Variants in RUNX3 observed in about 807,000 individuals in gnomAD.
The protein encoded by RUNX3 is RUNX family transcription factor 3, also known as runt-related transcription factor 3.
RUNX3 carries 10 observed loss-of-function variants against 27.7 expected under a neutral mutation model. That is an observed-to-expected ratio of 0.36 (90% CI 0.22 to 0.61). The LOEUF (loss-of-function observed/expected upper bound fraction) is 0.61. Ranked by LOEUF, RUNX3 falls within the 20% of genes least tolerant of loss-of-function variation. The pLI, the probability that RUNX3 is intolerant of heterozygous loss-of-function variation, is 0.72. For missense variants in RUNX3, 469 were observed against 629.5 expected (o/e 0.75, Z 2.73); for synonymous variants, 270 against 269.2 (o/e 1.00, Z -0.03).
intron 3 of RUNX3, among the ~76,000 whole-genome samples, chr1:24,912,883 G>A: frequency 6.6e-6 from 1 of 151,962 alleles, no homozygotes; most frequent in Non-Finnish European, 1.5e-5. Context: ...TAGATGTTAG[G>A]GCCCCGTCCA....
At chr1:24,917,302 A>G (rs1167389950) in intron 3 of RUNX3, among the ~76,000 whole-genome samples, 1 of 152,056 alleles carries the variant, frequency 6.6e-6, no homozygotes, top group East Asian at 1.9e-4. Flanking sequence ...ACCTCCTTCA[A>G]TGGAGACTTG....
At position 24,962,995 on chromosome 1, in the gene RUNX3, G is replaced by A. The variant is rs1175148991; in HGVS notation, c.58+1519C>T. ...CACAGAACTGCCTTTAATTAGCTCCGAGGACTACAAAGGGAACAACGTTAT... is the reference window on the plus strand; with the variant it reads ...CACAGAACTGCCTTTAATTAGCTCCAAGGACTACAAAGGGAACAACGTTAT... On this transcript the variant is annotated intron_variant, in intron 2 of 6. Coordinates refer to the RUNX3 transcript ENST00000338888. The surrounding 1 kb of genome is among the most constrained non-coding windows in gnomAD (Gnocchi z 4.5). The A allele has an allele frequency of 1.3e-5, 2 of 152,158 alleles. No homozygotes were observed. The highest frequency in any genetic ancestry group is 2.9e-5 in the Non-Finnish European group (2 of 68,020). The allele number at this position is 152,158 out of a possible 1,614,324, so 9.4% of individuals were successfully genotyped here. A position where few individuals can be genotyped will look rare whatever the true frequency, so the allele number is the denominator to read the frequency against.
At chr1:24,945,720 C>A (rs1641589429) in intron 2 of RUNX3, among the ~76,000 whole-genome samples, 1 of 152,136 alleles carries the variant, frequency 6.6e-6, no homozygotes, top group African/African-American at 2.4e-5. Flanking sequence ...CACTGTGGAT[C>A]CTCTCTCTCT....
upstream of RUNX3, among the ~76,000 whole-genome samples, chr1:24,931,694 C>G (rs780807863): frequency 2.6e-5 from 4 of 152,202 alleles, no homozygotes; most frequent in Non-Finnish European, 5.9e-5. Context: ...GCTCAGCGCG[C>G]GCCATTTCGT....
chr1:24,927,231 C>G lies in RUNX3; in HGVS notation c.439+343G>C, dbSNP rs1218973791. Among the ~76,000 whole-genome samples, 1 of 152,142 alleles carries G rather than the reference C, an allele frequency of 6.6e-6. No homozygotes were observed. The highest frequency in any genetic ancestry group is 1.5e-5 in the Non-Finnish European group (1 of 68,032). ...TCCTGCAACCGCCTTGCTGAAAGAC[C>G]TATAAGCTCCCTTTTTGAGCTTGTT... On this transcript the variant is annotated intron_variant, in intron 2 of 4. Coordinates refer to ENST00000308873, the MANE Select transcript of RUNX3 (RefSeq NM_004350.3). This position sits in a 1 kb window ranked among gnomAD's most constrained non-coding sequence, Gnocchi z 5.0.
At chr1:24,942,324 A>G (rs931306219) in intron 2 of RUNX3, among the ~76,000 whole-genome samples, 3 of 152,218 alleles carry the variant, frequency 2.0e-5, no homozygotes, top group Admixed American at 6.5e-5. Flanking sequence ...CCAGAAAGCC[A>G]TGGAGCTCCT....
intron 3 of RUNX3, among the ~76,000 whole-genome samples, chr1:24,917,012 G>A (rs1640902713): frequency 1.3e-5 from 2 of 152,206 alleles, no homozygotes; most frequent in South Asian, 4.1e-4. Flanking sequence ...TCTCCCACAG[G>A]CAGGGCTGAG....
upstream of RUNX3, among the ~76,000 whole-genome samples, chr1:24,931,400 C>T (rs1641224955): frequency 6.6e-6 from 1 of 152,214 alleles, no homozygotes; most frequent in Admixed American, 6.5e-5. Flanking sequence ...ATCACCCCTT[C>T]CTCTCCCGCC....
At chr1:24,946,580 CT>C (rs1641614107) in intron 2 of RUNX3, among the ~76,000 whole-genome samples, 1 of 152,162 alleles carries the variant, frequency 6.6e-6, no homozygotes, top group African/African-American at 2.4e-5. Context: ...CATTCCCCCC[CT>C]ACTCATGGAC....
upstream of RUNX3, among the ~76,000 whole-genome samples, chr1:24,933,832 C>T (rs181429674): frequency 1.9e-3 from 285 of 152,294 alleles, no homozygotes; most frequent in Middle Eastern, 6.8e-3. Flanking sequence ...CCCCATATCC[C>T]GAATCACACA....
At chr1:24,908,504 A>G (rs1236676652) in intron 3 of RUNX3, among the ~76,000 whole-genome samples, 1 of 151,988 alleles carries the variant, frequency 6.6e-6, no homozygotes, top group Non-Finnish European at 1.5e-5. Context: ...AAAAAAAAAG[A>G]AAAAAGAAAA....
intron 1 of RUNX3, among the ~76,000 whole-genome samples, chr1:24,928,111 G>A (rs1282482483): frequency 6.6e-6 from 1 of 152,224 alleles, no homozygotes; most frequent in East Asian, 1.9e-4. Flanking sequence ...TAGCAACGAA[G>A]TCTCCAAATG....
At chr1:24,917,052 G>T (rs1269030724) in intron 3 of RUNX3, among the ~76,000 whole-genome samples, 1 of 152,208 alleles carries the variant, frequency 6.6e-6, no homozygotes, top group Non-Finnish European at 1.5e-5. Flanking sequence ...GTCCCAGCAG[G>T]GCAGAGTGGG....
chr1:24,933,883 G>A (rs1051792624), upstream of RUNX3, among the ~76,000 whole-genome samples: 2 of 152,170 alleles, frequency 1.3e-5, no homozygotes, highest in Non-Finnish European at 2.9e-5. Context: ...CTCTCTTCTA[G>A]AACTGAAAAT....
At position 24,904,821 on chromosome 1, in the gene RUNX3, T is replaced by C. The variant is rs906445739; in HGVS notation, c.704-2155A>G. 6.6e-6 allele frequency among the ~76,000 whole-genome samples: 1 copy of C among 151,898 alleles called. No homozygotes were observed. The highest frequency in any genetic ancestry group is 2.4e-5 in the African/African-American group (1 of 41,346). ...TGGGGGAAGTACCTGCCCTCAGCAC[T>C]CCCTCAGACCCCCCAGCAGCTTCCT... On this transcript the variant is annotated intron_variant, in intron 4 of 4. Transcript: ENST00000308873. The surrounding 1 kb of genome is among the most constrained non-coding windows in gnomAD (Gnocchi z 5.7).
intron 1 of RUNX3, 154 bp downstream of exon 1, chr1:24,929,433 G>A: frequency 1.3e-6 from 1 of 786,372 alleles, no homozygotes; most frequent in Non-Finnish European, 2.2e-6. Context: ...AGGTCCCGGA[G>A]CCGAGCGCGC....
rs923609790 is a variant in RUNX3, at chr1:24,904,716, C to T, written c.704-2050G>A. ...CTCAGAGCTCACGCGGGCTGCAGGG[C>T]GCTGGGCTGGGCCTCCCTGGACCTG... On this transcript the variant is annotated intron_variant, in intron 4 of 4. Coordinates refer to ENST00000308873, the MANE Select transcript of RUNX3 (RefSeq NM_004350.3). The surrounding 1 kb of genome is among the most constrained non-coding windows in gnomAD (Gnocchi z 5.7). Among the ~76,000 whole-genome samples, 3 of 152,068 alleles carry T rather than the reference C, an allele frequency of 2.0e-5. No individual in the cohort carries two copies. Among genetic ancestry groups the T allele is most frequent in the Non-Finnish European group, 4.4e-5 (3 of 67,986 alleles).
upstream of RUNX3, among the ~76,000 whole-genome samples, chr1:24,930,482 CCAGGGCCCCCGAGAGCT>C (rs1483244112): frequency 4.6e-5 from 7 of 151,922 alleles, no homozygotes; most frequent in African/African-American, 1.7e-4. This position sits in a 1 kb window ranked among gnomAD's most constrained non-coding sequence, Gnocchi z 4.1. Context: ...GTGCCACAGC[CCAGGGCCCCCGAGAGCT>C]CTGGGAGCCC....
rs557226444 is a variant in RUNX3, at chr1:24,962,691, T to A, written c.58+1823A>T. 5.9e-5 allele frequency among the ~76,000 whole-genome samples: 9 copies of A among 152,320 alleles called. No individual in the cohort carries two copies. The highest frequency in any genetic ancestry group is 3.3e-4 in the Admixed American group (5 of 15,306). On this transcript the variant is annotated intron_variant, in intron 2 of 6. Coordinates refer to the RUNX3 transcript ENST00000338888. This position sits in a 1 kb window ranked among gnomAD's most constrained non-coding sequence, Gnocchi z 4.5. ...TATGAGGCGCCTTCTGTGCCACTGC[T>A]GGCCAGGATCAGCCCGCTCTGCCCA...
Sources: allele counts gnomAD v4.1 joint callset (sites outside exome capture counted in the v4.1 genomes callset), GRCh38; gene constraint gnomAD v4.1.1; non-coding constraint Gnocchi (gnomAD v3.1); transcripts MANE v1.5; gene names NCBI Gene and HGNC (gene_info 2026-07-23, HGNC 2026-07-21).